IFI27L1: variants seen among roughly 807,000 people sequenced by gnomAD.
IFI27L1 encodes the protein interferon alpha-inducible protein 27-like protein 1.
Under a neutral mutation model 9.2 loss-of-function variants are expected in IFI27L1, and 3 were observed. The observed-to-expected ratio is 0.32, with a 90% confidence interval of 0.15 to 0.84. The LOEUF (loss-of-function observed/expected upper bound fraction) is 0.84. IFI27L1 is among the 40% of genes least tolerant of loss of function. IFI27L1 has a pLI of 0.56. For missense variants in IFI27L1, 133 were observed against 134.2 expected, an observed-to-expected ratio of 0.99 and a Z score of 0.05; for synonymous variants, 53 against 50.0, an observed-to-expected ratio of 1.06 and a Z score of -0.26.
intron 2 of IFI27L1, chr14:94,097,612 C>G (rs773000164): frequency 1.4e-6 from 1 of 702,124 alleles, no homozygotes; most frequent in African/African-American, 1.7e-5. Flanking sequence ...CTGAGAGACG[C>G]GGGTGGCTTG....
chr14:94,086,807 T>C lies in IFI27L1; in HGVS notation c.-52+5358T>C, dbSNP rs2144308. The stretch of plus-strand genomic sequence containing the variant: ...CAAGTGAGGGTCCCTGAACTCAGGC[T>C]TCTTTTGCTTCGAGGTAAACCCATT... On this transcript the variant is annotated intron_variant, in intron 1 of 4. Transcript: ENST00000555523. Among the ~76,000 whole-genome samples the C allele has an allele frequency of 6.1e-3, 936 of 152,336 alleles. 13 individuals are homozygous for C. The highest frequency in any genetic ancestry group is 0.022 in the African/African-American group (897 of 41,572).
Position 94,096,963 on chromosome 14 carries a change from C to T in IFI27L1, c.26C>T (p.Ser9Leu). ...ATGGGAAAGGAGAGTGGATGGGACT[C>T]AGGTGGGTACTGCACATGATTCTGG... is the stretch of plus-strand genomic sequence containing the variant. MGKESGWD[S>L]GRAAVAAVVG... Residue 9 changes from serine to leucine, a missense_variant and splice_region_variant, in exon 2 of 5, where the codon TCA (serine) becomes TTA (leucine). Physicochemically the swap from Ser to Leu is moderately radical, Grantham distance 145. Coordinates refer to ENST00000555523, the MANE Select transcript of IFI27L1 (RefSeq NM_206949.3). 6.2e-7 allele frequency: 1 copy of T among 1,613,162 alleles called. No homozygotes were observed. The highest frequency in any genetic ancestry group is 1.1e-5 in the South Asian group (1 of 90,900).
At chr14:94,100,472 G>C (rs968537459) in intron 2 of IFI27L1, 9 of 985,234 alleles carry the variant, frequency 9.1e-6, no homozygotes, top group African/African-American at 1.7e-5. Flanking sequence ...TCTGCCCAGT[G>C]CTGCAGGGGG....
intron 2 of IFI27L1, among the ~76,000 whole-genome samples, chr14:94,098,319 C>T (rs569470274): frequency 2.6e-5 from 4 of 152,158 alleles, no homozygotes; most frequent in Non-Finnish European, 5.9e-5. Flanking sequence ...CTTCGACGTC[C>T]TTGCCTTGTG....
At chr14:94,087,449 C>T (rs749737768) in intron 1 of IFI27L1, among the ~76,000 whole-genome samples, 3 of 152,120 alleles carry the variant, frequency 2.0e-5, no homozygotes, top group Non-Finnish European at 4.4e-5. Flanking sequence ...TGTTTTGAGA[C>T]GGAGTCTCAC....
At chr14:94,100,678 AC>A in intron 2 of IFI27L1, 60 bp from the exon 3 acceptor site, 1 of 1,605,132 alleles carries the variant, frequency 6.2e-7, no homozygotes, top group Non-Finnish European at 8.5e-7. Flanking sequence ...ATCAGAGAGT[AC>A]CCACTCCCAT....
At chr14:94,097,419 C>T in intron 2 of IFI27L1, 1 of 582,692 alleles carries the variant, frequency 1.7e-6, no homozygotes. Context: ...GAGAGCCCCT[C>T]CTTGGTGGCC....
At chr14:94,100,621 G>A (rs3818118) in intron 2 of IFI27L1, 118 bp from the exon 3 acceptor site, 68 of 1,582,292 alleles carry the variant, frequency 4.3e-5, no homozygotes, top group Non-Finnish European at 5.6e-5. Flanking sequence ...TGAGTAGGGG[G>A]CTTCAGAAGA....
At position 94,102,565 on chromosome 14, in the gene IFI27L1, C is replaced by T. The variant is rs1431374514; in HGVS notation, c.312C>T (p.Ser104=). The T allele has an allele frequency of 1.3e-6, 2 of 1,543,544 alleles. No homozygotes were observed. The highest frequency in any genetic ancestry group is 1.7e-4 in the Middle Eastern group (1 of 5,788). The stretch of plus-strand genomic sequence containing the variant: ...CCTGGCTGGGTTCACCCCCTTCCAG[C>T]TGAACACCACACTGAGGCAGGGAGT... ...LGAWLGSPPS[S] is the part of the protein sequence containing the mutation. The change falls in exon 5 of 5, where the codon AGC becomes AGT. Residue 104 remains serine (S), a synonymous_variant. Coordinates refer to ENST00000555523, the MANE Select transcript of IFI27L1 (RefSeq NM_206949.3).
chr14:94,084,355 A>T (rs1886209919), intron 1 of IFI27L1, among the ~76,000 whole-genome samples: 1 of 152,148 alleles, frequency 6.6e-6, no homozygotes, highest in Non-Finnish European at 1.5e-5. Context: ...TGCAAAAATT[A>T]ACCAGGCTTG....
rs66928480 is a variant in IFI27L1 at position 94,093,167 on chromosome 14, C to CTTT, written c.-51-3705_-51-3703dup. ...CAAAATTTTTGACTGCATTTCTTTT[C>CTTT]TTTTTTTTTTTTTTTTTGAGATGGA... On this transcript the variant is annotated intron_variant, in intron 1 of 4. Coordinates refer to ENST00000555523, the MANE Select transcript of IFI27L1 (RefSeq NM_206949.3). Among the ~76,000 whole-genome samples, 298 of 125,460 alleles carry CTTT rather than the reference C, an allele frequency of 2.4e-3. 15 individuals carry two copies. In the South Asian group the frequency reaches 0.054, roughly 23 times the overall value. 82.3% of individuals were successfully genotyped at this position (125,460 alleles called of 152,430 possible). A position where few individuals can be genotyped will look rare whatever the true frequency, so the allele number is the denominator to read the frequency against.
intron 4 of IFI27L1, 105 bp downstream of exon 4, chr14:94,102,080 TG>T: frequency 8.2e-7 from 1 of 1,222,408 alleles, no homozygotes; most frequent in Non-Finnish European, 1.2e-6. Context: ...CTCTGCCTCT[TG>T]GGCCCTTTGT....
chr14:94,082,336 C>T (rs1886136750), intron 1 of IFI27L1, among the ~76,000 whole-genome samples: 3 of 151,876 alleles, frequency 2.0e-5, no homozygotes, highest in South Asian at 2.1e-4. Context: ...GGAAAGAAGC[C>T]GTCTCCAGAA....
At chr14:94,088,428 G>C (rs1202143290) in intron 1 of IFI27L1, 7 of 688,956 alleles carry the variant, frequency 1.0e-5, no homozygotes, top group African/African-American at 3.5e-5. Context: ...TTTTAGGGTG[G>C]AGCCACATTC....
chr14:94,102,451 T>C, intron 4 of IFI27L1, 26 bp from the exon 5 acceptor site: 2 of 1,483,156 alleles, frequency 1.3e-6, no homozygotes, highest in East Asian at 2.3e-5. Context: ...CCCTGTGCCC[T>C]GTGCTCACCC....
Position 94,101,988 on chromosome 14 carries a change from G to C in IFI27L1, c.223+13G>C. 1 of 1,614,202 alleles carries C rather than the reference G, an allele frequency of 6.2e-7. No individual in the cohort carries two copies. The highest frequency in any genetic ancestry group is 1.3e-5 in the African/African-American group (1 of 75,054). ...CTGCAGTCAGTGGGTGAGTGTTCTG[G>C]ACAGGATGACCAGAGCCAGGAGATG... On this transcript the variant is annotated intron_variant, in intron 4 of 4. Coordinates refer to ENST00000555523, the MANE Select transcript of IFI27L1 (RefSeq NM_206949.3).
chr14:94,101,647 C>A (rs1343204738), intron 3 of IFI27L1, among the ~76,000 whole-genome samples, 167 bp from the exon 4 acceptor site: 2 of 152,232 alleles, frequency 1.3e-5, no homozygotes, highest in Non-Finnish European at 2.9e-5. Context: ...GGGAGCCGGT[C>A]CACTGGCTGC....
At chr14:94,084,951 A>C (rs2141444943) in intron 1 of IFI27L1, among the ~76,000 whole-genome samples, 1 of 152,268 alleles carries the variant, frequency 6.6e-6, no homozygotes, top group East Asian at 1.9e-4. Flanking sequence ...TTCCTGTTCC[A>C]ATGCCAGTAT....
At chr14:94,101,057 C>T in intron 3 of IFI27L1, 2 of 580,384 alleles carry the variant, frequency 3.4e-6, no homozygotes. Flanking sequence ...CCCGGGATTC[C>T]TCCCCGTCTA....
Sources: gnomAD v4.1 joint callset for allele counts (sites outside exome capture counted in the v4.1 genomes callset) on GRCh38, gnomAD v4.1.1 for gene constraint, MANE v1.5 for transcripts, NCBI Gene and HGNC (gene_info 2026-07-23, HGNC 2026-07-21) for gene names.